The following FUT9 variants were observed in gnomAD, a reference collection of about 807,000 sequenced individuals.
FUT9 encodes the protein 4-galactosyl-N-acetylglucosaminide 3-alpha-L-fucosyltransferase 9.
Under a neutral mutation model 29.7 loss-of-function variants are expected in FUT9, and 15 were observed. The observed-to-expected ratio is 0.51, with a 90% confidence interval of 0.34 to 0.78. FUT9 has a LOEUF of 0.78. Ranked by LOEUF, FUT9 falls within the 30% of genes least tolerant of loss-of-function variation. The pLI is 0.01. For synonymous variants in FUT9, 169 were observed against 153.7 expected (o/e 1.10, Z -0.74); for missense variants, 319 against 425.4 (o/e 0.75, Z 2.20).
At chr6:96,106,487 A>T (rs530496802) in intron 1 of FUT9, among the ~76,000 whole-genome samples, 17 of 152,084 alleles carry the variant, frequency 1.1e-4, no homozygotes, top group African/African-American at 4.1e-4. Context: ...TCCCAATCCC[A>T]GTTCCAAGAG....
intron 1 of FUT9, among the ~76,000 whole-genome samples, chr6:96,077,103 A>G (rs931896570): frequency 4.6e-5 from 7 of 152,084 alleles, no homozygotes; most frequent in Non-Finnish European, 7.4e-5. Flanking sequence ...TCACAAATAC[A>G]CAAATGCAGA....
chr6:96,025,333 G>A (rs1770146061), intron 1 of FUT9, among the ~76,000 whole-genome samples: 1 of 151,656 alleles, frequency 6.6e-6, no homozygotes, highest in Non-Finnish European at 1.5e-5. Flanking sequence ...ACCTATTTTT[G>A]TTATTTAGCT....
chr6:96,031,110 A>C (rs555522640), intron 1 of FUT9, among the ~76,000 whole-genome samples: 1 of 151,528 alleles, frequency 6.6e-6, no homozygotes, highest in Non-Finnish European at 1.5e-5. Flanking sequence ...ATTTTTAAAA[A>C]ATCATGATTG....
intron 2 of FUT9, among the ~76,000 whole-genome samples, chr6:96,156,944 T>G (rs1413632006): frequency 1.3e-5 from 2 of 152,172 alleles, no homozygotes; most frequent in African/African-American, 4.8e-5. Context: ...TGAAATGAAA[T>G]AATGGGCAGA....
At chr6:96,176,615 C>A (rs939048365) in intron 2 of FUT9, among the ~76,000 whole-genome samples, 7 of 152,104 alleles carry the variant, frequency 4.6e-5, no homozygotes, top group Non-Finnish European at 1.0e-4. Flanking sequence ...CTTTTTCATT[C>A]GCCCAGATAT....
rs866039107 is a variant in FUT9 at position 96,138,399 on chromosome 6, C to G, written c.-9+24272C>G. On this transcript the variant is annotated intron_variant, in intron 2 of 2. Transcript: ENST00000302103. The stretch of plus-strand genomic sequence containing the variant: ...CTGTAAAAATAGATCAGGACGCTGA[C>G]AAAGAAAAATTATGGCTTTCCAAAA... 3.3e-5 allele frequency among the ~76,000 whole-genome samples: 5 copies of G among 149,934 alleles called. No homozygotes were observed. In the South Asian group the frequency reaches 6.3e-4, roughly 19 times the overall value.
At chr6:96,159,570 T>C (rs1285243614) in intron 2 of FUT9, among the ~76,000 whole-genome samples, 1 of 152,154 alleles carries the variant, frequency 6.6e-6, no homozygotes, top group African/African-American at 2.4e-5. Flanking sequence ...CCAGGCTAAT[T>C]ACACTGACTA....
At chr6:96,032,428 A>G (rs1770280011) in intron 1 of FUT9, among the ~76,000 whole-genome samples, 1 of 151,592 alleles carries the variant, frequency 6.6e-6, no homozygotes, top group Non-Finnish European at 1.5e-5. Flanking sequence ...TTAACTTTTA[A>G]TAAAGTAAAG....
chr6:96,105,170 A>C (rs1213314279), intron 1 of FUT9, among the ~76,000 whole-genome samples: 1 of 152,212 alleles, frequency 6.6e-6, no homozygotes, highest in Admixed American at 6.5e-5. Context: ...AACAAAATGC[A>C]TTTCTTTGTA....
intron 2 of FUT9, among the ~76,000 whole-genome samples, chr6:96,166,083 A>T (rs918244040): frequency 6.6e-6 from 1 of 152,194 alleles, no homozygotes; most frequent in Non-Finnish European, 1.5e-5. Flanking sequence ...ATAATCTAAA[A>T]TAAAAGTAAA....
rs970308606 is a variant in FUT9, at chr6:96,114,100, G to T, written c.-36G>T. 2 of 151,970 alleles carry T rather than the reference G, an allele frequency of 1.3e-5. No individual in the cohort carries two copies. The highest frequency in any genetic ancestry group is 2.9e-5 in the Non-Finnish European group (2 of 68,012). The allele number at this position is 151,970 out of a possible 1,614,324, so 9.4% of individuals were successfully genotyped here. On this transcript the variant is annotated 5_prime_UTR_variant, in exon 2 of 3. Coordinates refer to ENST00000302103, the MANE Select transcript of FUT9 (RefSeq NM_006581.4). ...GTGAAGTAGTATAACAACTGTCTACGTGCTTCCCATGATATGTTCTCTATA... is the reference window on the plus strand; with the variant it reads ...GTGAAGTAGTATAACAACTGTCTACTTGCTTCCCATGATATGTTCTCTATA...
intron 1 of FUT9, among the ~76,000 whole-genome samples, chr6:96,065,018 G>T (rs1018601267): frequency 1.3e-5 from 2 of 152,052 alleles, no homozygotes; most frequent in African/African-American, 4.8e-5. Flanking sequence ...CTCCACATTT[G>T]GGGTAGGGAC....
intron 1 of FUT9, among the ~76,000 whole-genome samples, chr6:96,048,461 A>G (rs1770604939): frequency 6.6e-6 from 1 of 152,202 alleles, no homozygotes; most frequent in Non-Finnish European, 1.5e-5. Context: ...CTTGAGCTTG[A>G]GAAGAGAACT....
At chr6:96,034,043 A>G (rs1770309461) in intron 1 of FUT9, among the ~76,000 whole-genome samples, 2 of 151,646 alleles carry the variant, frequency 1.3e-5, no homozygotes, top group Admixed American at 1.3e-4. Flanking sequence ...AAGAAGACAG[A>G]AAATATAAGC....
chr6:96,173,371 G>A (rs1302002270), intron 2 of FUT9, among the ~76,000 whole-genome samples: 2 of 152,070 alleles, frequency 1.3e-5, no homozygotes, highest in African/African-American at 4.8e-5. Flanking sequence ...AGCTACATGA[G>A]AGAAGAGAAC....
chr6:96,108,501 T>C (rs532031849), intron 1 of FUT9, among the ~76,000 whole-genome samples: 2 of 152,276 alleles, frequency 1.3e-5, no homozygotes, highest in African/African-American at 2.4e-5. Context: ...AAATTGTGCC[T>C]GTATATAGTG....
chr6:96,116,876 GA>G lies in FUT9; in HGVS notation c.-9+2755del, dbSNP rs1168667493. ...GGGGGGTGGAACTGTCCGTGGTGCTGAAAAAATTACTGTGCTCATCAAAACC... is the reference window on the plus strand; with the variant it reads ...GGGGGGTGGAACTGTCCGTGGTGCTGAAAAATTACTGTGCTCATCAAAACC... On this transcript the variant is annotated intron_variant, in intron 2 of 2. Coordinates refer to ENST00000302103, the MANE Select transcript of FUT9 (RefSeq NM_006581.4). 8.6e-5 allele frequency among the ~76,000 whole-genome samples: 13 copies of G among 151,988 alleles called. No individual in the cohort carries two copies. In the East Asian group the frequency reaches 2.1e-3, roughly 25 times the overall value.
intron 2 of FUT9, among the ~76,000 whole-genome samples, chr6:96,148,050 A>T (rs1772606392): frequency 1.4e-5 from 2 of 146,014 alleles, no homozygotes; most frequent in African/African-American, 4.9e-5. Flanking sequence ...AGAAAAAAAA[A>T]ATATTGAAAC....
intron 1 of FUT9, among the ~76,000 whole-genome samples, chr6:96,039,138 T>C (rs1770411454): frequency 6.6e-6 from 1 of 152,116 alleles, no homozygotes; most frequent in Non-Finnish European, 1.5e-5. Flanking sequence ...TCACTAAGCT[T>C]AGTGATGGGC....
Sources: gnomAD v4.1 joint callset for allele counts (sites outside exome capture counted in the v4.1 genomes callset) on GRCh38, gnomAD v4.1.1 for gene constraint, MANE v1.5 for transcripts, NCBI Gene and HGNC (gene_info 2026-07-23, HGNC 2026-07-21) for gene names.